Variants in ROBO2 observed in about 807,000 individuals in gnomAD.
ROBO2 encodes roundabout guidance receptor 2.
A neutral mutation model predicts 160.8 loss-of-function variants in ROBO2; 53 were observed. That is an observed-to-expected ratio of 0.33 (90% confidence interval 0.26 to 0.41). The LOEUF (loss-of-function observed/expected upper bound fraction) is 0.41. ROBO2 is among the 10% of genes least tolerant of loss of function. The probability of loss-of-function intolerance (pLI) is 1.00; values close to 1 mark genes in which losing one functional copy is unlikely to be tolerated. For synonymous variants in ROBO2, 664 were observed against 611.7 expected (o/e 1.09, Z -1.26); for missense variants, 1,577 against 1,722.4 (o/e 0.92, Z 1.49).
chr3:76,008,944 T>C (rs2066111819), intron 2 of ROBO2, among the ~76,000 whole-genome samples: 1 of 152,130 alleles, frequency 6.6e-6, no homozygotes, highest in Admixed American at 6.5e-5. Flanking sequence ...GGAAGTATGA[T>C]TGAACAGAGG....
intron 20 of ROBO2, among the ~76,000 whole-genome samples, chr3:77,605,514 A>G (rs1482986912): frequency 1.3e-5 from 2 of 152,184 alleles, no homozygotes; most frequent in Non-Finnish European, 2.9e-5. Flanking sequence ...TCCTCAAAAG[A>G]AGAGAAAGTG....
intron 19 of ROBO2, among the ~76,000 whole-genome samples, chr3:77,599,413 C>A (rs932311314): frequency 6.8e-6 from 1 of 148,132 alleles, no homozygotes; most frequent in Admixed American, 6.9e-5. Context: ...TTTCCCACAC[C>A]ACATGTTCTC....
chr3:76,552,798 C>G (rs923583921), intron 2 of ROBO2, among the ~76,000 whole-genome samples: 51 of 152,222 alleles, frequency 3.4e-4, no homozygotes, highest in African/African-American at 1.2e-3. Context: ...AAAGTAGTTC[C>G]ATTGGGTTCC....
intron 2 of ROBO2, among the ~76,000 whole-genome samples, chr3:76,808,888 T>G (rs1376660175): frequency 1.3e-5 from 2 of 151,994 alleles, no homozygotes; most frequent in Non-Finnish European, 2.9e-5. Context: ...AATATGGAAA[T>G]GATGGTACAG....
At chr3:77,088,460 G>A (rs960796985) in intron 1 of ROBO2, among the ~76,000 whole-genome samples, 1 of 152,128 alleles carries the variant, frequency 6.6e-6, no homozygotes, top group Non-Finnish European at 1.5e-5. Context: ...GTAGGTAAAT[G>A]TGTGCCATGA....
chr3:76,400,694 A>C (rs2108752875), intron 2 of ROBO2, among the ~76,000 whole-genome samples: 1 of 151,706 alleles, frequency 6.6e-6, no homozygotes, highest in East Asian at 1.9e-4. Context: ...TTTTTTAATA[A>C]AAATATAACT....
chr3:76,610,105 A>C (rs2087972878), intron 2 of ROBO2, among the ~76,000 whole-genome samples: 1 of 152,166 alleles, frequency 6.6e-6, no homozygotes, highest in Non-Finnish European at 1.5e-5. Flanking sequence ...AATTCGGTTT[A>C]ATAGCATTTG....
intron 2 of ROBO2, among the ~76,000 whole-genome samples, chr3:76,170,745 GA>G (rs2073009851): frequency 6.6e-6 from 1 of 152,114 alleles, no homozygotes; most frequent in South Asian, 2.1e-4. Context: ...TGATTGGTTA[GA>G]TACCAGAATA....
chr3:76,446,106 G>C (rs1258434151), intron 2 of ROBO2, among the ~76,000 whole-genome samples: 1 of 152,140 alleles, frequency 6.6e-6, no homozygotes. Context: ...AATTGTCCCT[G>C]TTTGCAGATG....
At chr3:76,087,630 G>A (rs1006557332) in intron 2 of ROBO2, among the ~76,000 whole-genome samples, 3 of 151,878 alleles carry the variant, frequency 2.0e-5, no homozygotes, top group Admixed American at 2.0e-4. Context: ...TTTTATTTTT[G>A]TTATTTTAAT....
intron 2 of ROBO2, among the ~76,000 whole-genome samples, chr3:76,417,482 A>C (rs1053347018): frequency 6.6e-6 from 1 of 152,214 alleles, no homozygotes; most frequent in Non-Finnish European, 1.5e-5. Context: ...GAGAATGAAC[A>C]TCTTTTATTC....
intron 2 of ROBO2, among the ~76,000 whole-genome samples, chr3:76,364,821 T>A (rs1228340293): frequency 1.3e-5 from 2 of 152,186 alleles, no homozygotes; most frequent in African/African-American, 2.4e-5. Context: ...TTTTACAATA[T>A]CTTTTTTAAA....
intron 2 of ROBO2, among the ~76,000 whole-genome samples, chr3:76,561,777 C>T (rs116236171): frequency 0.017 from 2,525 of 152,218 alleles, 31 homozygotes; most frequent in Non-Finnish European, 0.026. Context: ...CTCTTTGATG[C>T]GGTCCTTTTT....
chr3:76,838,148 C>T (rs531433225), intron 2 of ROBO2, among the ~76,000 whole-genome samples: 3 of 152,006 alleles, frequency 2.0e-5, no homozygotes, highest in Admixed American at 2.0e-4. Flanking sequence ...AACCGAATAC[C>T]ATGTTCTCAC....
intron 2 of ROBO2, among the ~76,000 whole-genome samples, chr3:76,472,260 A>G (rs1441624020): frequency 3.9e-5 from 6 of 152,096 alleles, no homozygotes; most frequent in Non-Finnish European, 7.4e-5. Flanking sequence ...ATTTAAAATA[A>G]TATGTGTTTA....
intron 19 of ROBO2, among the ~76,000 whole-genome samples, chr3:77,598,525 G>GTTTATATATA (rs2094360933): frequency 1.4e-5 from 1 of 71,452 alleles, no homozygotes; most frequent in African/African-American, 5.7e-5. Flanking sequence ...ATATATATAT[G>GTTTATATATA]TGTATATATA....
intron 2 of ROBO2, among the ~76,000 whole-genome samples, chr3:76,194,562 G>A (rs1575820988): frequency 6.6e-6 from 1 of 151,362 alleles, no homozygotes; most frequent in East Asian, 1.9e-4. Context: ...TATAAATTAA[G>A]ACAAAACAGC....
chr3:77,506,389 T>C (rs993038356), intron 5 of ROBO2, among the ~76,000 whole-genome samples: 5 of 152,132 alleles, frequency 3.3e-5, no homozygotes, highest in African/African-American at 1.2e-4. Flanking sequence ...ATTATTTCTT[T>C]ATCTCCCCAA....
At chr3:77,506,454 G>A (rs985830410) in intron 5 of ROBO2, among the ~76,000 whole-genome samples, 6 of 152,044 alleles carry the variant, frequency 3.9e-5, no homozygotes, top group Non-Finnish European at 7.4e-5. Flanking sequence ...CCAGTCCTAT[G>A]ACTGTCACAT....
Sources: gnomAD v4.1 joint callset for allele counts (sites outside exome capture counted in the v4.1 genomes callset) on GRCh38, gnomAD v4.1.1 for gene constraint, MANE v1.5 for transcripts, NCBI Gene and HGNC (gene_info 2026-07-23, HGNC 2026-07-21) for gene names.